The following YPEL2 variants were observed in gnomAD, a reference collection of about 807,000 sequenced individuals.
The protein encoded by YPEL2 is protein yippee-like 2.
Under a neutral mutation model 19.1 loss-of-function variants are expected in YPEL2, and 2 were observed. That is an observed-to-expected ratio of 0.10 (90% CI 0.04 to 0.33). The LOEUF is 0.33. Among genes scored for constraint, YPEL2 ranks in the 10% least tolerant of loss-of-function variants. YPEL2 has a pLI of 1.00. For missense variants in YPEL2, 66 were observed against 140.7 expected (o/e 0.47, Z 2.68); for synonymous variants, 52 against 50.0 (o/e 1.04, Z -0.17).
chr17:59,383,459 G>A (rs1033817875), intron 2 of YPEL2, among the ~76,000 whole-genome samples: 5 of 149,352 alleles, frequency 3.3e-5, no homozygotes, highest in East Asian at 2.0e-4. Flanking sequence ...TTAGCTGGGC[G>A]TGGTGGTGGG....
At chr17:59,369,952 G>A (rs898691975) in intron 2 of YPEL2, among the ~76,000 whole-genome samples, 1 of 152,248 alleles carries the variant, frequency 6.6e-6, no homozygotes, top group African/African-American at 2.4e-5. Flanking sequence ...CTAATCCAAA[G>A]AGAGATGTAC....
intron 2 of YPEL2, among the ~76,000 whole-genome samples, chr17:59,382,934 C>T (rs1018293265): frequency 1.3e-5 from 2 of 152,152 alleles, no homozygotes; most frequent in African/African-American, 2.4e-5. Context: ...TGAGCCATCA[C>T]GCCTAGCACT....
intron 2 of YPEL2, among the ~76,000 whole-genome samples, chr17:59,387,825 T>A (rs183413966): frequency 6.6e-6 from 1 of 152,306 alleles, no homozygotes; most frequent in East Asian, 1.9e-4. Flanking sequence ...TGACAAGCGA[T>A]AAGTGTGGGT....
At chr17:59,351,965 T>TG (rs1373809359) in intron 1 of YPEL2, among the ~76,000 whole-genome samples, 2 of 152,160 alleles carry the variant, frequency 1.3e-5, no homozygotes, top group African/African-American at 4.8e-5. Context: ...GTGACTGTTT[T>TG]GGTGGGAAGG....
At position 59,357,082 on chromosome 17, in the gene YPEL2, G is replaced by T. The variant is rs533939703; in HGVS notation, c.117+3556G>T. ...GGGCATGCCTCACTGGGGAGAGCAGGTTTATTTCATTGGATTGTTATGAGG... is the reference window on the plus strand; with the variant it reads ...GGGCATGCCTCACTGGGGAGAGCAGTTTTATTTCATTGGATTGTTATGAGG... On this transcript the variant is annotated intron_variant, in intron 2 of 4. Coordinates refer to ENST00000312655, the MANE Select transcript of YPEL2 (RefSeq NM_001005404.4). Among the ~76,000 whole-genome samples the T allele has an allele frequency of 1.2e-4, 18 of 152,304 alleles. No individual in the cohort carries two copies. In the South Asian group the frequency reaches 3.7e-3, roughly 32 times the overall value.
At chr17:59,374,306 T>C (rs1180303380) in intron 2 of YPEL2, among the ~76,000 whole-genome samples, 1 of 152,248 alleles carries the variant, frequency 6.6e-6, no homozygotes, top group African/African-American at 2.4e-5. Flanking sequence ...CTAATAATTA[T>C]ATGCCCATGT....
intron 1 of YPEL2, among the ~76,000 whole-genome samples, chr17:59,339,288 G>T (rs2047715566): frequency 6.6e-6 from 1 of 152,112 alleles, no homozygotes; most frequent in Non-Finnish European, 1.5e-5. Flanking sequence ...AAATTAAATA[G>T]GGCTTGCAGT....
intron 2 of YPEL2, among the ~76,000 whole-genome samples, chr17:59,373,565 T>C (rs763542396): frequency 1.3e-5 from 2 of 152,238 alleles, no homozygotes; most frequent in Non-Finnish European, 2.9e-5. Context: ...ACTAGCTATA[T>C]ACTCTCTGCG....
intron 1 of YPEL2, among the ~76,000 whole-genome samples, chr17:59,347,140 A>G (rs564979192): frequency 6.6e-6 from 1 of 152,322 alleles, no homozygotes; most frequent in South Asian, 2.1e-4. Context: ...ATACTTTTCT[A>G]CTAACTTAGT....
At chr17:59,350,968 G>A (rs1003933562) in intron 1 of YPEL2, among the ~76,000 whole-genome samples, 3 of 152,102 alleles carry the variant, frequency 2.0e-5, no homozygotes, top group African/African-American at 4.8e-5. Context: ...TTTGGCCTGG[G>A]GGAAGCCTAC....
At chr17:59,386,025 A>AAGGC (rs1430900813) in intron 2 of YPEL2, among the ~76,000 whole-genome samples, 1 of 152,176 alleles carries the variant, frequency 6.6e-6, no homozygotes, top group Non-Finnish European at 1.5e-5. Flanking sequence ...TGCTAGTGCT[A>AAGGC]AGGCAAAGGA....
intron 1 of YPEL2, among the ~76,000 whole-genome samples, chr17:59,352,199 T>C (rs2047790907): frequency 6.6e-6 from 1 of 152,148 alleles, no homozygotes; most frequent in African/African-American, 2.4e-5. Context: ...CACTGCCTGC[T>C]CTCCTGGGAG....
At chr17:59,382,847 T>C (rs1302806231) in intron 2 of YPEL2, among the ~76,000 whole-genome samples, 1 of 152,216 alleles carries the variant, frequency 6.6e-6, no homozygotes, top group Non-Finnish European at 1.5e-5. Flanking sequence ...CTCACTGTGT[T>C]GACCAGGCTG....
chr17:59,374,710 G>A (rs929623985), intron 2 of YPEL2, among the ~76,000 whole-genome samples: 1 of 152,164 alleles, frequency 6.6e-6, no homozygotes, highest in Non-Finnish European at 1.5e-5. Flanking sequence ...GTCAGACCAG[G>A]CCACATAGGG....
In YPEL2 at chr17:59,389,268, C is replaced by G. The variant is rs964058241; in HGVS notation, c.162-92C>G. 3.7e-5 allele frequency: 44 copies of G among 1,202,206 alleles called. No homozygotes were observed. In the African/African-American group the frequency reaches 6.2e-4, roughly 17 times the overall value. 74.5% of individuals were successfully genotyped at this position (1,202,206 alleles called of 1,614,324 possible). ...CAGGGTTGGCTCCCCTTGGGACAGC[C>G]TTTCCCAGTTAATTTTTGCTGGAAG... On this transcript the variant is annotated intron_variant, in intron 3 of 4. Transcript: ENST00000312655.
At chr17:59,365,006 A>C (rs936776895) in intron 2 of YPEL2, among the ~76,000 whole-genome samples, 1 of 152,190 alleles carries the variant, frequency 6.6e-6, no homozygotes, top group African/African-American at 2.4e-5. Flanking sequence ...ATTTTTGTGG[A>C]AATTAAATGA....
At chr17:59,335,516 T>G (rs2047694563) in intron 1 of YPEL2, among the ~76,000 whole-genome samples, 2 of 152,236 alleles carry the variant, frequency 1.3e-5, no homozygotes, top group South Asian at 4.2e-4. Context: ...ATAGGGCTTT[T>G]CTACTGGTAG....
At chr17:59,364,966 G>C (rs183737385) in intron 2 of YPEL2, among the ~76,000 whole-genome samples, 3 of 152,294 alleles carry the variant, frequency 2.0e-5, no homozygotes, top group Admixed American at 2.0e-4. Context: ...TGGCAAATGG[G>C]AATAATAGTA....
intron 2 of YPEL2, among the ~76,000 whole-genome samples, chr17:59,372,362 C>A (rs2047901134): frequency 6.6e-6 from 1 of 152,122 alleles, no homozygotes; most frequent in Admixed American, 6.6e-5. Flanking sequence ...CCTCTGTTTC[C>A]ATGATGCTAA....
Sources: gnomAD v4.1 joint callset for allele counts (sites outside exome capture counted in the v4.1 genomes callset) on GRCh38, gnomAD v4.1.1 for gene constraint, MANE v1.5 for transcripts, NCBI Gene and HGNC (gene_info 2026-07-23, HGNC 2026-07-21) for gene names.